The following NMBR variants were observed in gnomAD, a reference collection of about 807,000 sequenced individuals.
The protein encoded by NMBR is neuromedin-B receptor.
NMBR carries 16 observed loss-of-function variants against 20.5 expected under a neutral mutation model. The observed-to-expected ratio is 0.78, with a 90% confidence interval of 0.53 to 1.19. The LOEUF (loss-of-function observed/expected upper bound fraction) is 1.19, where lower values mean the gene tolerates loss of function less well. NMBR is among the 50% of genes most tolerant of loss of function. The pLI is 0.00. For missense variants in NMBR, 582 were observed against 499.1 expected (o/e 1.17, Z -1.58); for synonymous variants, 212 against 196.6 (o/e 1.08, Z -0.65).
intron 1 of NMBR, among the ~76,000 whole-genome samples, chr6:142,129,291 C>T (rs77745817): frequency 0.014 from 2,153 of 152,068 alleles, 58 homozygotes; most frequent in African/African-American, 0.049. Flanking sequence ...TAAATCTGAG[C>T]TCGCCTTCCC....
At chr6:142,134,843 C>T (rs1778221294) in intron 1 of NMBR, 1 of 651,174 alleles carries the variant, frequency 1.5e-6, no homozygotes, top group South Asian at 1.7e-5. Context: ...AATACATTTA[C>T]AACAATTACA....
At chr6:142,133,876 AT>A in intron 1 of NMBR, 2 of 700,952 alleles carry the variant, frequency 2.9e-6, no homozygotes, top group Non-Finnish European at 5.2e-6. Context: ...TGATTGGTCA[AT>A]TCCACACCCT....
At chr6:142,125,306 C>A (rs749166505) in intron 1 of NMBR, among the ~76,000 whole-genome samples, 1 of 151,856 alleles carries the variant, frequency 6.6e-6, no homozygotes, top group Non-Finnish European at 1.5e-5. Context: ...ATAGAGATTA[C>A]TTCCCCTTGT....
chr6:142,105,348 T>C (rs893569231), intron 1 of NMBR, among the ~76,000 whole-genome samples: 4 of 152,206 alleles, frequency 2.6e-5, no homozygotes, highest in Admixed American at 6.6e-5. Flanking sequence ...TGACAATTAA[T>C]ACTATGTAAA....
chr6:142,112,969 A>G (rs1777791790), intron 1 of NMBR, among the ~76,000 whole-genome samples: 1 of 152,130 alleles, frequency 6.6e-6, no homozygotes, highest in East Asian at 1.9e-4. Flanking sequence ...AATTATACAA[A>G]ATAATTTATG....
chr6:142,131,464 T>C lies in NMBR; in HGVS notation c.-664+15580A>G, dbSNP rs1582862045. On this transcript the variant is annotated intron_variant, in intron 1 of 3. Coordinates refer to ENST00000258042, the MANE Select transcript of NMBR (RefSeq NM_002511.4). ...CAGAGTCCTAAACAATGCTTATGCA[T>C]TGAGAATCGCCCTTTTTCTGCTTTT... Among the ~76,000 whole-genome samples, 5 of 152,284 alleles carry C rather than the reference T, an allele frequency of 3.3e-5. No individual in the cohort carries two copies. The South Asian group carries it at 8.3e-4, about 25-fold the overall frequency.
At chr6:142,143,484 A>G (rs971239652) in intron 1 of NMBR, among the ~76,000 whole-genome samples, 4 of 152,092 alleles carry the variant, frequency 2.6e-5, no homozygotes, top group African/African-American at 9.7e-5. Context: ...GGGTTTCTCC[A>G]TGTTGGCCAG....
At chr6:142,112,681 A>G (rs368840282) in intron 1 of NMBR, among the ~76,000 whole-genome samples, 39 of 152,284 alleles carry the variant, frequency 2.6e-4, no homozygotes, top group Admixed American at 1.6e-3. Flanking sequence ...TGTAAATCTC[A>G]GTTAAAAATC....
At position 142,078,827 on chromosome 6, in the gene NMBR, T is replaced by C. The variant is rs56126862; in HGVS notation, c.499A>G (p.Ile167Val). ...LLRTCVKAMGIWVVSVLLAVP... is the reference protein window; with the variant it reads ...LLRTCVKAMGVWVVSVLLAVP... Reference sequence around the variant, plus strand: ...GCCAGCAACACGGAGACCACCCAGATACCCATGGCCTTCACACAGGTCCGC... The same window carrying C: ...GCCAGCAACACGGAGACCACCCAGACACCCATGGCCTTCACACAGGTCCGC... Residue 167 changes from isoleucine (I) to valine (V), a missense_variant, in exon 3 of 4, where the codon ATC becomes GTC. Physicochemically the swap from Ile to Val is conservative, Grantham distance 29. Transcript: ENST00000258042. 4,957 of 1,613,874 alleles carry C rather than the reference T, an allele frequency of 3.1e-3. 17 individuals carry two copies. Among genetic ancestry groups the C allele is most frequent in the Non-Finnish European group, 3.9e-3 (4,613 of 1,179,986 alleles).
intron 2 of NMBR, among the ~76,000 whole-genome samples, chr6:142,083,430 C>T (rs1777137565): frequency 6.6e-6 from 1 of 152,092 alleles, no homozygotes; most frequent in Non-Finnish European, 1.5e-5. Context: ...GGTTTCCTCC[C>T]TTTTTAGTCC....
chr6:142,088,208 A>AAG (rs747080351), intron 2 of NMBR, 29 bp downstream of exon 2: 1 of 1,595,328 alleles, frequency 6.3e-7, no homozygotes, highest in Non-Finnish European at 8.5e-7. Flanking sequence ...CGACTTTTCC[A>AAG]AGCCACTCAC....
At chr6:142,130,553 T>C (rs1778121567) in intron 1 of NMBR, among the ~76,000 whole-genome samples, 1 of 152,176 alleles carries the variant, frequency 6.6e-6, no homozygotes, top group South Asian at 2.1e-4. Flanking sequence ...ATTTCTTTAA[T>C]TATATGACTC....
intron 1 of NMBR, among the ~76,000 whole-genome samples, chr6:142,098,471 C>T (rs1447447854): frequency 1.3e-5 from 2 of 151,978 alleles, no homozygotes; most frequent in African/African-American, 2.4e-5. Context: ...AATAAGTAAC[C>T]ATGGAGAGGT....
chr6:142,083,258 T>C (rs1292109542), intron 2 of NMBR, among the ~76,000 whole-genome samples: 1 of 152,212 alleles, frequency 6.6e-6, no homozygotes, highest in Non-Finnish European at 1.5e-5. Flanking sequence ...CTACAATTGA[T>C]TCTGTTTCTA....
rs539170919 is a variant in NMBR, at chr6:142,075,475, G to T, written c.*173C>A. 96 of 555,868 alleles carry T rather than the reference G, an allele frequency of 1.7e-4. No homozygotes were observed. The Middle Eastern group carries it at 2.2e-3, about 13-fold the overall frequency. The allele number at this position is 555,868 out of a possible 1,614,324, so 34.4% of individuals were successfully genotyped here. ...TCTTTTCTCATATTCTAATTATTAG[G>T]AAATGAAAAGAGAAAAAATAAAGTC... On this transcript the variant is annotated 3_prime_UTR_variant, in exon 4 of 4. Transcript: ENST00000258042.
At chr6:142,099,133 G>A (rs562078459) in intron 1 of NMBR, among the ~76,000 whole-genome samples, 2 of 152,252 alleles carry the variant, frequency 1.3e-5, no homozygotes, top group African/African-American at 4.8e-5. Context: ...TAGACATAGA[G>A]TTTACACCCT....
At chr6:142,116,224 T>C (rs930089108) in intron 1 of NMBR, among the ~76,000 whole-genome samples, 3 of 151,878 alleles carry the variant, frequency 2.0e-5, no homozygotes, top group African/African-American at 7.3e-5. Context: ...AGCATGACAA[T>C]GGACTAAAAC....
At chr6:142,096,093 CA>C (rs1368996253) in intron 1 of NMBR, among the ~76,000 whole-genome samples, 6 of 151,902 alleles carry the variant, frequency 3.9e-5, no homozygotes, top group Non-Finnish European at 7.4e-5. Flanking sequence ...TTGATCTTTT[CA>C]AAAAACCAGC....
At position 142,075,563 on chromosome 6, in the gene NMBR, C is replaced by T. The variant is rs1426718223; in HGVS notation, c.*85G>A. On this transcript the variant is annotated 3_prime_UTR_variant, in exon 4 of 4. Coordinates refer to ENST00000258042, the MANE Select transcript of NMBR (RefSeq NM_002511.4). ...ATCATGCAATTGCCTAATAAATTAGCTAAGCAACAGCAAGTTCTGATCTGC... is the reference window on the plus strand; with the variant it reads ...ATCATGCAATTGCCTAATAAATTAGTTAAGCAACAGCAAGTTCTGATCTGC... The T allele has an allele frequency of 2.3e-6, 3 of 1,321,898 alleles. No individual in the cohort carries two copies. The highest frequency in any genetic ancestry group is 4.9e-5 in the East Asian group (2 of 41,092). 81.9% of individuals were successfully genotyped at this position (1,321,898 alleles called of 1,614,324 possible).
Sources: allele counts gnomAD v4.1 joint callset (sites outside exome capture counted in the v4.1 genomes callset), GRCh38; gene constraint gnomAD v4.1.1; transcripts MANE v1.5; gene names NCBI Gene and HGNC (gene_info 2026-07-23, HGNC 2026-07-21).